Variants in AFF3 observed in about 807,000 individuals in gnomAD.
The protein encoded by AFF3 is AF4/FMR2 family member 3.
A neutral mutation model predicts 129.7 loss-of-function variants in AFF3; 32 were observed. The ratio of observed to expected loss-of-function variants is 0.25; its 90% CI spans 0.19 to 0.33. The LOEUF is 0.33. AFF3 is among the 10% of genes least tolerant of loss of function. The pLI is 1.00. For synonymous variants in AFF3, 644 were observed against 635.4 expected (o/e 1.01, Z -0.20); for missense variants, 1,373 against 1,592.0 (o/e 0.86, Z 2.34).
intron 20 of AFF3, among the ~76,000 whole-genome samples, chr2:99,560,957 C>T (rs550402687): frequency 2.6e-5 from 4 of 152,316 alleles, no homozygotes; most frequent in Non-Finnish European, 2.9e-5. Flanking sequence ...ACAGATACTA[C>T]GAGAAACTAG....
intron 18 of AFF3, among the ~76,000 whole-genome samples, chr2:99,571,927 A>C (rs1676509034): frequency 1.3e-5 from 2 of 152,226 alleles, no homozygotes; most frequent in African/African-American, 4.8e-5. Context: ...AATATAATAC[A>C]GCAAAGGTAC....
At chr2:99,602,537 A>T (rs1662501245) in intron 13 of AFF3, among the ~76,000 whole-genome samples, 1 of 152,252 alleles carries the variant, frequency 6.6e-6, no homozygotes, top group African/African-American at 2.4e-5. Flanking sequence ...AGAAAATTTC[A>T]GTACTCACAT....
chr2:99,633,973 G>A (rs921495706), intron 13 of AFF3, among the ~76,000 whole-genome samples: 1 of 142,524 alleles, frequency 7.0e-6, no homozygotes, highest in Non-Finnish European at 1.5e-5. Flanking sequence ...GGAGTGCAGT[G>A]GCATGATCTC....
chr2:99,896,366 C>T (rs929516223), intron 7 of AFF3, among the ~76,000 whole-genome samples: 6 of 152,010 alleles, frequency 3.9e-5, no homozygotes, highest in African/African-American at 1.4e-4. Context: ...TCCCCAAATT[C>T]CAGAAATATA....
At chr2:100,139,667 A>G (rs1340989307) in intron 1 of AFF3, among the ~76,000 whole-genome samples, 1 of 152,232 alleles carries the variant, frequency 6.6e-6, no homozygotes, top group East Asian at 1.9e-4. Context: ...TGAAAGGAGC[A>G]TGTATTTTTG....
chr2:99,691,466 G>C (rs1338931831), intron 11 of AFF3, among the ~76,000 whole-genome samples: 1 of 152,124 alleles, frequency 6.6e-6, no homozygotes, highest in Non-Finnish European at 1.5e-5. Context: ...TGCTTTCTTA[G>C]AGCTGCCTTC....
At chr2:99,892,122 A>G (rs1194812526) in intron 7 of AFF3, among the ~76,000 whole-genome samples, 1 of 151,810 alleles carries the variant, frequency 6.6e-6, no homozygotes, top group African/African-American at 2.4e-5. Context: ...ACACCCGGCC[A>G]AAGCCCACCA....
At chr2:100,002,771 A>G (rs1462232507) in intron 7 of AFF3, among the ~76,000 whole-genome samples, 1 of 152,236 alleles carries the variant, frequency 6.6e-6, no homozygotes, top group Non-Finnish European at 1.5e-5. Context: ...AATTGCAAAC[A>G]GAAAACTATA....
At chr2:100,114,203 G>A (rs1369369012) in intron 2 of AFF3, among the ~76,000 whole-genome samples, 2 of 152,192 alleles carry the variant, frequency 1.3e-5, no homozygotes, top group Admixed American at 1.3e-4. Flanking sequence ...AATCCAGCAA[G>A]TCTGGAAACC....
At chr2:100,104,877 G>T in intron 3 of AFF3, 1 of 350,148 alleles carries the variant, frequency 2.9e-6, no homozygotes, top group Non-Finnish European at 3.9e-6. Context: ...GCGCGTGTGC[G>T]CGGGCGAGGC....
At chr2:99,939,436 G>T (rs1191487100) in intron 7 of AFF3, among the ~76,000 whole-genome samples, 1 of 151,540 alleles carries the variant, frequency 6.6e-6, no homozygotes, top group Non-Finnish European at 1.5e-5. Context: ...TAAGTTCTCT[G>T]ATGCAGGAGA....
chr2:99,613,057 CAT>C (rs1361162200), intron 13 of AFF3, among the ~76,000 whole-genome samples: 3 of 152,322 alleles, frequency 2.0e-5, no homozygotes, highest in Admixed American at 2.0e-4. Context: ...CAATAAAACA[CAT>C]GACACCATTT....
intron 8 of AFF3, among the ~76,000 whole-genome samples, chr2:99,779,058 T>C (rs770424648): frequency 1.3e-5 from 2 of 152,124 alleles, no homozygotes; most frequent in Admixed American, 6.5e-5. Context: ...CTAGTACTTC[T>C]AGGATAATAC....
intron 7 of AFF3, among the ~76,000 whole-genome samples, chr2:99,912,199 A>G (rs774696630): frequency 2.0e-5 from 3 of 152,236 alleles, no homozygotes; most frequent in Non-Finnish European, 4.4e-5. Context: ...ATTTATTAAC[A>G]TAAGAACCTA....
intron 1 of AFF3, among the ~76,000 whole-genome samples, chr2:100,133,307 A>G (rs114855509): frequency 0.019 from 2,944 of 152,194 alleles, 105 homozygotes; most frequent in African/African-American, 0.068. Flanking sequence ...AATTAAAAAA[A>G]AACACCCTGC....
At chr2:99,842,977 C>T (rs1342095887) in intron 7 of AFF3, among the ~76,000 whole-genome samples, 1 of 152,224 alleles carries the variant, frequency 6.6e-6, no homozygotes, top group Non-Finnish European at 1.5e-5. Context: ...TTTCAAATCA[C>T]AATGCCTTTG....
At chr2:99,881,480 G>T (rs1303984219) in intron 7 of AFF3, among the ~76,000 whole-genome samples, 2 of 146,408 alleles carry the variant, frequency 1.4e-5, no homozygotes, top group Non-Finnish European at 3.0e-5. Flanking sequence ...TTTTTTCATT[G>T]AAAAAAAGCC....
intron 7 of AFF3, among the ~76,000 whole-genome samples, chr2:99,866,672 G>A (rs745789596): frequency 2.0e-4 from 31 of 151,996 alleles, no homozygotes; most frequent in Non-Finnish European, 3.1e-4. Context: ...GCTTCAAGGC[G>A]GGATAAAAAA....
At chr2:99,726,445 C>G (rs1679370380) in intron 11 of AFF3, among the ~76,000 whole-genome samples, 1 of 152,152 alleles carries the variant, frequency 6.6e-6, no homozygotes, top group Non-Finnish European at 1.5e-5. Context: ...AATAAAGTCA[C>G]TTGTTAGCTC....
Sources: gnomAD v4.1 joint callset for allele counts (sites outside exome capture counted in the v4.1 genomes callset) on GRCh38, gnomAD v4.1.1 for gene constraint, MANE v1.5 for transcripts, NCBI Gene and HGNC (gene_info 2026-07-23, HGNC 2026-07-21) for gene names.